The following OR6N1 variants were observed in gnomAD, a reference collection of about 807,000 sequenced individuals.
OR6N1 encodes the protein olfactory receptor 6N1.
For missense variants in OR6N1, 394 were observed against 371.7 expected (o/e 1.06, Z -0.49); for synonymous variants, 170 against 150.7 (o/e 1.13, Z -0.94).
chr1:158,798,450 T>C, the OR6N1 span, among the ~76,000 whole-genome samples: 1 of 151,870 alleles, frequency 6.6e-6, no homozygotes, highest in East Asian at 1.9e-4. Context: ...AGATGTTTTC[T>C]ACTTTTCCTA....
chr1:158,794,323 C>A, the OR6N1 span, among the ~76,000 whole-genome samples: 2 of 152,160 alleles, frequency 1.3e-5, no homozygotes, highest in Non-Finnish European at 2.9e-5. Flanking sequence ...CCTCTTCAAT[C>A]CCATAAGCGG....
At position 158,766,620 on chromosome 1, in the gene OR6N1, C is replaced by T; in HGVS notation, c.63G>A (p.Gln21=). 1 of 1,613,888 alleles carries T rather than the reference C, an allele frequency of 6.2e-7. No homozygotes were observed. Among genetic ancestry groups the T allele is most frequent in the Non-Finnish European group, 8.5e-7 (1 of 1,179,976 alleles). The stretch of plus-strand genomic sequence containing the variant: ...AGAGGAAGAGATAAATCTGGACACC[C>T]TGGAGATGGGGGAAGCCCAAGATGA... ...EFIILGFPHL[Q]GVQIYLFLLL... Residue 21 remains glutamine, a synonymous_variant, in exon 2 of 2, where the codon CAG becomes CAA. Coordinates refer to ENST00000641846, the MANE Select transcript of OR6N1 (RefSeq NM_001005185.2).
At chr1:158,794,474 G>A in the OR6N1 span, among the ~76,000 whole-genome samples, 603 of 152,202 alleles carry the variant, frequency 4.0e-3, 4 homozygotes, top group Non-Finnish European at 4.0e-3. Flanking sequence ...CCTCTGGGTC[G>A]AGCCACCCAG....
upstream of OR6N1, chr1:158,776,798 C>T (rs186539843): frequency 5.4e-4 from 866 of 1,613,882 alleles, no homozygotes; most frequent in Middle Eastern, 1.8e-3. Context: ...GGTGTTAGTA[C>T]GGAGTAAACT....
In OR6N1 at chr1:158,772,148, G is replaced by C. The variant is rs1206694307; in HGVS notation, c.-146C>G. The C allele has an allele frequency of 6.6e-6, 1 of 152,206 alleles. No homozygotes were observed. The highest frequency in any genetic ancestry group is 1.5e-5 in the Non-Finnish European group (1 of 68,062). 9.4% of individuals were successfully genotyped at this position (152,206 alleles called of 1,614,324 possible). On this transcript the variant is annotated 5_prime_UTR_variant, in exon 1 of 2. Coordinates refer to ENST00000641846, the MANE Select transcript of OR6N1 (RefSeq NM_001005185.2). ...TGTCTCATTTGCAGTATTATACCCAGCCATTCCCGGGGCCTGGAGGGGTTG... is the reference window on the plus strand; with the variant it reads ...TGTCTCATTTGCAGTATTATACCCACCCATTCCCGGGGCCTGGAGGGGTTG...
chr1:158,824,587 C>T, the OR6N1 span, among the ~76,000 whole-genome samples: 2 of 152,018 alleles, frequency 1.3e-5, no homozygotes, highest in African/African-American at 4.8e-5. Context: ...ATTTGAATAA[C>T]CAAAACAGCA....
At chr1:158,839,034 G>A in the OR6N1 span, among the ~76,000 whole-genome samples, 4 of 151,960 alleles carry the variant, frequency 2.6e-5, no homozygotes, top group Middle Eastern at 0.01. Flanking sequence ...TCATATTTAA[G>A]AGTGCTGTTT....
chr1:158,784,871 C>A, the OR6N1 span, among the ~76,000 whole-genome samples: 1 of 152,024 alleles, frequency 6.6e-6, no homozygotes, highest in Non-Finnish European at 1.5e-5. Context: ...GATTCAGCAA[C>A]CTCACTATTG....
At chr1:158,786,940 A>G in the OR6N1 span, among the ~76,000 whole-genome samples, 1 of 152,192 alleles carries the variant, frequency 6.6e-6, no homozygotes, top group South Asian at 2.1e-4. Context: ...AATCACCAGT[A>G]AAGAAATTAT....
chr1:158,821,135 C>T, the OR6N1 span, among the ~76,000 whole-genome samples: 2 of 152,110 alleles, frequency 1.3e-5, no homozygotes, highest in South Asian at 4.1e-4. Context: ...TCCAAAACAT[C>T]TTCTTTTTTG....
the OR6N1 span, among the ~76,000 whole-genome samples, chr1:158,800,092 C>T: frequency 2.0e-5 from 3 of 152,096 alleles, no homozygotes; most frequent in South Asian, 2.1e-4. Context: ...TTAAGTTATT[C>T]CCTACCTCTT....
At chr1:158,788,422 A>G in the OR6N1 span, among the ~76,000 whole-genome samples, 1 of 152,112 alleles carries the variant, frequency 6.6e-6, no homozygotes, top group Admixed American at 6.5e-5. Context: ...TATTTAGTAG[A>G]TTCTAGGATG....
the OR6N1 span, among the ~76,000 whole-genome samples, chr1:158,816,201 A>G: frequency 6.6e-6 from 1 of 151,858 alleles, no homozygotes; most frequent in Non-Finnish European, 1.5e-5. Flanking sequence ...GATTGAAACC[A>G]AAGAGCCAAG....
At chr1:158,769,753 A>C (rs1156393824) in intron 1 of OR6N1, among the ~76,000 whole-genome samples, 1 of 152,208 alleles carries the variant, frequency 6.6e-6, no homozygotes, top group African/African-American at 2.4e-5. Context: ...CCAAGACTTA[A>C]TATAGGATGT....
chr1:158,830,335 A>G, the OR6N1 span, among the ~76,000 whole-genome samples: 1 of 151,972 alleles, frequency 6.6e-6, no homozygotes, highest in African/African-American at 2.4e-5. Context: ...ACCCTGCTTT[A>G]GTGGGGTTTA....
intron 1 of OR6N1, among the ~76,000 whole-genome samples, chr1:158,771,280 T>C (rs1235959453): frequency 2.6e-5 from 4 of 152,194 alleles, no homozygotes; most frequent in Non-Finnish European, 5.9e-5. Context: ...GCATATGTCT[T>C]ATCACTCCAA....
In OR6N1 at chr1:158,765,717, C is replaced by G; in HGVS notation, c.*27G>C. The G allele has an allele frequency of 6.4e-7, 1 of 1,572,542 alleles. No individual in the cohort carries two copies. Among genetic ancestry groups the G allele is most frequent in the South Asian group, 1.1e-5 (1 of 88,284 alleles). On this transcript the variant is annotated 3_prime_UTR_variant, in exon 2 of 2. Coordinates refer to ENST00000641846, the MANE Select transcript of OR6N1 (RefSeq NM_001005185.2). Reference sequence around the variant, plus strand: ...CCTGGGGCCACCATATCCTCAGGCCCGGCCTTGGCCTACTCTCAGCCCCAA... The same window carrying G: ...CCTGGGGCCACCATATCCTCAGGCCGGGCCTTGGCCTACTCTCAGCCCCAA...
the OR6N1 span, chr1:158,808,780 C>T: frequency 6.6e-6 from 1 of 152,448 alleles, no homozygotes; most frequent in Non-Finnish European, 1.5e-5. Flanking sequence ...CCACACATGC[C>T]AACCGCATTA....
chr1:158,777,281 C>T, the OR6N1 span: 2 of 1,614,032 alleles, frequency 1.2e-6, no homozygotes, highest in South Asian at 2.2e-5. Context: ...CTATCATAGG[C>T]CATGGCTGTA....
Sources: gnomAD v4.1 joint callset for allele counts (sites outside exome capture counted in the v4.1 genomes callset) on GRCh38, gnomAD v4.1.1 for gene constraint, MANE v1.5 for transcripts, NCBI Gene and HGNC (gene_info 2026-07-23, HGNC 2026-07-21) for gene names.